Variants in RBFOX1 observed in about 807,000 individuals in gnomAD.
RBFOX1 encodes the protein RNA binding fox-1 homolog 1.
A neutral mutation model predicts 57.7 loss-of-function variants in RBFOX1; 8 were observed. The observed-to-expected ratio is 0.14, with a 90% confidence interval of 0.08 to 0.25. The LOEUF is 0.25. Among genes scored for constraint, RBFOX1 ranks in the 10% least tolerant of loss-of-function variants. The pLI is 1.00. For missense variants in RBFOX1, 611 were observed against 548.5 expected (o/e 1.11, Z -1.14); for synonymous variants, 326 against 222.4 (o/e 1.47, Z -4.15).
intron 3 of RBFOX1, among the ~76,000 whole-genome samples, chr16:5,818,385 C>T (rs1409432266): frequency 6.6e-6 from 1 of 152,182 alleles, no homozygotes; most frequent in Non-Finnish European, 1.5e-5. Flanking sequence ...GAGGGGATAC[C>T]ATTGTGTCCT....
intron 3 of RBFOX1, among the ~76,000 whole-genome samples, chr16:6,904,599 T>TAAAAAAAAAA (rs71147623): frequency 6.3e-5 from 4 of 64,000 alleles, no homozygotes; most frequent in Non-Finnish European, 8.3e-5. Flanking sequence ...AGACTCTCTC[T>TAAAAAAAAAA]AAAAAAAAAA....
At chr16:6,534,571 C>T (rs555174422) in intron 2 of RBFOX1, among the ~76,000 whole-genome samples, 1 of 152,158 alleles carries the variant, frequency 6.6e-6, no homozygotes, top group Non-Finnish European at 1.5e-5. Flanking sequence ...GAGCATTAAT[C>T]ACCAAATGTT....
At chr16:6,944,983 T>TG (rs1180245421) in intron 3 of RBFOX1, among the ~76,000 whole-genome samples, 2 of 152,154 alleles carry the variant, frequency 1.3e-5, no homozygotes, top group Admixed American at 6.5e-5. Flanking sequence ...TTGCTCCTCC[T>TG]GGGTGAAAAG....
At chr16:6,219,626 G>C (rs1360732664) in intron 1 of RBFOX1, among the ~76,000 whole-genome samples, 1 of 152,072 alleles carries the variant, frequency 6.6e-6, no homozygotes, top group Admixed American at 6.6e-5. Context: ...TGTAATCCCA[G>C]CATTTTGGGA....
At chr16:5,977,299 G>C (rs1370342506) in intron 4 of RBFOX1, among the ~76,000 whole-genome samples, 1 of 152,138 alleles carries the variant, frequency 6.6e-6, no homozygotes, top group Non-Finnish European at 1.5e-5. Context: ...TATCTTGGGA[G>C]AATGCTGGAG....
At chr16:5,621,557 G>C (rs981177965) in intron 3 of RBFOX1, among the ~76,000 whole-genome samples, 1 of 152,158 alleles carries the variant, frequency 6.6e-6, no homozygotes, top group African/African-American at 2.4e-5. Context: ...TTACATAGAA[G>C]GTGGGATGTA....
At chr16:7,697,431 G>A (rs993054711) in intron 14 of RBFOX1, among the ~76,000 whole-genome samples, 2 of 152,256 alleles carry the variant, frequency 1.3e-5, no homozygotes, top group South Asian at 4.1e-4. Flanking sequence ...GTCCCTTGTT[G>A]AGGGCTTTGC....
chr16:6,658,862 G>T (rs1486003596), intron 3 of RBFOX1, among the ~76,000 whole-genome samples: 2 of 152,000 alleles, frequency 1.3e-5, no homozygotes, highest in Non-Finnish European at 1.5e-5. Flanking sequence ...GATCCTAAGG[G>T]ATGGTGGAGT....
At chr16:5,678,405 C>A (rs2050229161) in intron 3 of RBFOX1, among the ~76,000 whole-genome samples, 1 of 152,146 alleles carries the variant, frequency 6.6e-6, no homozygotes, top group African/African-American at 2.4e-5. Context: ...AAAGAAATTC[C>A]TGCCAGTTTC....
At chr16:7,513,517 G>A (rs1197682551) in intron 4 of RBFOX1, among the ~76,000 whole-genome samples, 1 of 152,108 alleles carries the variant, frequency 6.6e-6, no homozygotes, top group Non-Finnish European at 1.5e-5. Context: ...TAACATTTGG[G>A]GCGGGACAGT....
intron 2 of RBFOX1, among the ~76,000 whole-genome samples, chr16:5,539,647 C>G (rs1323615442): frequency 6.6e-6 from 1 of 151,976 alleles, no homozygotes; most frequent in Admixed American, 6.6e-5. Context: ...ACAACAAAAA[C>G]CAAGGGAGTG....
intron 2 of RBFOX1, among the ~76,000 whole-genome samples, chr16:6,581,077 T>C (rs1190081671): frequency 1.3e-5 from 2 of 152,202 alleles, no homozygotes; most frequent in Non-Finnish European, 2.9e-5. Context: ...TCCCTTCTCC[T>C]TTTTCCATGC....
chr16:5,306,559 T>C (rs745358656), intron 1 of RBFOX1, among the ~76,000 whole-genome samples: 47 of 152,120 alleles, frequency 3.1e-4, no homozygotes, highest in Non-Finnish European at 5.9e-4. Flanking sequence ...CCACCTGCCT[T>C]GGCCTCCCAG....
At chr16:6,403,178 A>G (rs533232048) in intron 2 of RBFOX1, among the ~76,000 whole-genome samples, 1 of 152,174 alleles carries the variant, frequency 6.6e-6, no homozygotes, top group Non-Finnish European at 1.5e-5. Context: ...TGTTAGAACT[A>G]CAGACTTGCA....
intron 1 of RBFOX1, among the ~76,000 whole-genome samples, chr16:6,137,925 G>A (rs1460214055): frequency 6.6e-6 from 1 of 152,008 alleles, no homozygotes; most frequent in African/African-American, 2.4e-5. Context: ...AGCATTTTGA[G>A]GTACAAACAG....
intron 1 of RBFOX1, among the ~76,000 whole-genome samples, chr16:5,291,539 C>T (rs370098248): frequency 2.6e-5 from 4 of 152,178 alleles, no homozygotes; most frequent in Non-Finnish European, 5.9e-5. Flanking sequence ...GCTGGGATTA[C>T]AGGCATGTGT....
intron 4 of RBFOX1, among the ~76,000 whole-genome samples, chr16:7,368,396 C>T (rs546067376): frequency 6.6e-6 from 1 of 151,948 alleles, no homozygotes; most frequent in South Asian, 2.1e-4. Flanking sequence ...TTACGTATTA[C>T]CAGAAAACCA....
chr16:5,566,644 G>A (rs929018549), intron 2 of RBFOX1, among the ~76,000 whole-genome samples: 3 of 136,742 alleles, frequency 2.2e-5, no homozygotes, highest in Non-Finnish European at 4.6e-5. Flanking sequence ...GTATATGTGT[G>A]TATATATGTG....
chr16:7,647,612 T>A (rs752404899), intron 11 of RBFOX1, among the ~76,000 whole-genome samples: 1 of 152,160 alleles, frequency 6.6e-6, no homozygotes, highest in African/African-American at 2.4e-5. Context: ...GGTGTCTTTT[T>A]CCCCTAACAT....
Sources: allele counts gnomAD v4.1 joint callset (sites outside exome capture counted in the v4.1 genomes callset), GRCh38; gene constraint gnomAD v4.1.1; transcripts MANE v1.5; gene names NCBI Gene and HGNC (gene_info 2026-07-23, HGNC 2026-07-21).